Variants in DNAJC14 observed in about 807,000 individuals in gnomAD.
DNAJC14 encodes dnaJ homolog subfamily C member 14.
A neutral mutation model predicts 68.8 loss-of-function variants in DNAJC14; 12 were observed. The ratio of observed to expected loss-of-function variants is 0.17; its 90% CI spans 0.11 to 0.28. DNAJC14 has a LOEUF of 0.28. Ranked by LOEUF, DNAJC14 falls within the 10% of genes least tolerant of loss-of-function variation. DNAJC14 has a pLI of 1.00. For synonymous variants in DNAJC14, 350 were observed against 321.5 expected, an observed-to-expected ratio of 1.09 and a Z score of -0.95; for missense variants, 764 against 875.6, an observed-to-expected ratio of 0.87 and a Z score of 1.61.
In DNAJC14 at chr12:55,827,973, T is replaced by C. The variant is rs1352559533; in HGVS notation, c.686A>G (p.Gln229Arg). Residue 229 changes from glutamine to arginine, a missense_variant, in exon 2 of 7, where the codon CAG (glutamine) becomes CGG (arginine). Around this residue, in one of 4 missense-constraint regions of DNAJC14, gnomAD observed 514 missense variants for 521.7 expected, o/e 0.99. Coordinates refer to ENST00000678005, the MANE Select transcript of DNAJC14 (RefSeq NM_032364.6). The part of the protein sequence containing the change: ...GRHRLGRKRS[Q>R]ADKRKGLGLW... Reference sequence around the variant, plus strand: ...TCCCAGGCCTTTGCGCTTATCTGCCTGACTTCGTTTCCGACCCAGCCGATG... The same window carrying C: ...TCCCAGGCCTTTGCGCTTATCTGCCCGACTTCGTTTCCGACCCAGCCGATG... 2 of 1,612,992 alleles carry C rather than the reference T, an allele frequency of 1.2e-6. No individual in the cohort carries two copies. Among genetic ancestry groups the C allele is most frequent in the Non-Finnish European group, 1.7e-6 (2 of 1,179,580 alleles).
At position 55,827,708 on chromosome 12, in the gene DNAJC14, T is replaced by G; in HGVS notation, c.951A>C (p.Val317=). ...QFLSQGFYCG[V]GLFTRFLKLL... ...GCTTAAGAAAACGAGTAAACAGTCCTACTCCACAGTAAAACCCCTGGCTTA... is the reference window on the plus strand; with the variant it reads ...GCTTAAGAAAACGAGTAAACAGTCCGACTCCACAGTAAAACCCCTGGCTTA... The change falls in exon 2 of 7, where the codon GTA becomes GTC. Residue 317 remains valine (V), a synonymous_variant. Transcript: ENST00000678005. 1.2e-6 allele frequency: 2 copies of G among 1,614,168 alleles called. No individual in the cohort carries two copies. The highest frequency in any genetic ancestry group is 1.7e-6 in the Non-Finnish European group (2 of 1,180,028).
rs780431313 is a variant in DNAJC14, at chr12:55,828,637, C to T, written c.22G>A (p.Glu8Lys). The T allele has an allele frequency of 3.1e-6, 5 of 1,613,234 alleles. No individual in the cohort carries two copies. The highest frequency in any genetic ancestry group is 4.2e-6 in the Non-Finnish European group (5 of 1,179,430). Residue 8 changes from glutamate to lysine, a missense_variant, in exon 2 of 7, where the codon GAA becomes AAA. Transcript: ENST00000678005. ...TGGTGGGCTCCATACAACCCTCTTT[C>T]TCCGGGGTGCTTCTGGGCCATGACC... is the stretch of plus-strand genomic sequence containing the variant. Reference protein sequence around the residue: MAQKHPGERGLYGAHHSG... With the variant: MAQKHPGKRGLYGAHHSG...
In DNAJC14 at chr12:55,823,518, CAGAG is replaced by C. The variant is rs112382855; in HGVS notation, c.1408-14_1408-11del. 23 of 1,611,342 alleles carry C rather than the reference CAGAG, an allele frequency of 1.4e-5. No individual in the cohort carries two copies. The highest frequency in any genetic ancestry group is 7.7e-5 in the South Asian group (7 of 91,010). On this transcript the variant is annotated splice_polypyrimidine_tract_variant and intron_variant, in intron 2 of 6. Coordinates refer to ENST00000678005, the MANE Select transcript of DNAJC14 (RefSeq NM_032364.6). Reference sequence around the variant, plus strand: ...TTTTGTCAGGATGAACCTACCAAGACAGAGAGATTTCATTACAAATCCATTCCAA... The same window carrying C: ...TTTTGTCAGGATGAACCTACCAAGACAGATTTCATTACAAATCCATTCCAA...
intron 4 of DNAJC14, 103 bp downstream of exon 4, chr12:55,822,967 G>A (rs1880708443): frequency 6.5e-7 from 1 of 1,529,894 alleles, no homozygotes; most frequent in Non-Finnish European, 8.7e-7. Context: ...TACTAATTAT[G>A]AGATACAGAT....
chr12:55,822,240 C>A (rs1300103357), intron 6 of DNAJC14, 53 bp from the exon 7 acceptor site: 2 of 1,534,308 alleles, frequency 1.3e-6, no homozygotes, highest in African/African-American at 2.8e-5. Context: ...ATATGGTTAC[C>A]TAAGTTAGAT....
intron 4 of DNAJC14, 124 bp from the exon 5 acceptor site, chr12:55,822,856 T>C: frequency 2.8e-6 from 4 of 1,414,090 alleles, no homozygotes; most frequent in East Asian, 2.3e-5. Flanking sequence ...TAGTATTTCA[T>C]ATCCCTTCAA....
At chr12:55,824,545 A>G (rs188599639) in intron 2 of DNAJC14, among the ~76,000 whole-genome samples, 1 of 152,296 alleles carries the variant, frequency 6.6e-6, no homozygotes, top group East Asian at 1.9e-4. Context: ...AGCTAATTGA[A>G]CAGCCTTTTA....
upstream of DNAJC14, chr12:55,830,265 T>A (rs916907060): frequency 2.0e-5 from 3 of 152,066 alleles, no homozygotes; most frequent in Non-Finnish European, 2.9e-5. Context: ...GGCTCAGAAC[T>A]TTGCCCGTGA....
Position 55,828,117 on chromosome 12 carries a change from C to T in DNAJC14, c.542G>A (p.Ser181Asn), listed in dbSNP as rs1250422332. The part of the protein sequence containing the change: ...YDDEESLKFP[S>N]DFSRVSSGKK... ...TCCGCTGGACACACGTGAAAAATCACTGGGGAACTTGAGAGATTCTTCATC... is the reference window on the plus strand; with the variant it reads ...TCCGCTGGACACACGTGAAAAATCATTGGGGAACTTGAGAGATTCTTCATC... Residue 181 changes from serine to asparagine, a missense_variant, in exon 2 of 7, where the codon AGT (serine) becomes AAT (asparagine). By Grantham distance (46) the Ser-to-Asn change is conservative (BLOSUM62 1). Transcript: ENST00000678005. 6.2e-7 allele frequency: 1 copy of T among 1,602,118 alleles called. No homozygotes were observed. The highest frequency in any genetic ancestry group is 1.1e-5 in the South Asian group (1 of 89,208).
Position 55,828,230 on chromosome 12 carries a change from A to T in DNAJC14, c.429T>A (p.Ser143=). The part of the protein sequence containing the change: ...GTPGIPEGPY[S]EGGNGSSSNF... Reference sequence around the variant, plus strand: ...TGCTAGAAGAACCATTTCCTCCCTCAGAGTAAGGCCCTTCTGGAATTCCAG... The same window carrying T: ...TGCTAGAAGAACCATTTCCTCCCTCTGAGTAAGGCCCTTCTGGAATTCCAG... Residue 143 remains serine (S), a synonymous_variant, in exon 2 of 7, where the codon TCT becomes TCA. Coordinates refer to ENST00000678005, the MANE Select transcript of DNAJC14 (RefSeq NM_032364.6). 1 of 1,607,556 alleles carries T rather than the reference A, an allele frequency of 6.2e-7. No homozygotes were observed. The highest frequency in any genetic ancestry group is 8.5e-7 in the Non-Finnish European group (1 of 1,177,262).
chr12:55,830,548 T>TC (rs1404354200), upstream of DNAJC14: 3 of 152,112 alleles, frequency 2.0e-5, no homozygotes, highest in African/African-American at 7.2e-5. Flanking sequence ...GAGACAATAC[T>TC]CCAATTCTCT....
Position 55,827,601 on chromosome 12 carries a change from C to G in DNAJC14, c.1058G>C (p.Gly353Ala). Residue 353 changes from glycine (G) to alanine (A), a missense_variant, in exon 2 of 7, where the codon GGT becomes GCT. Physicochemically the swap from Gly to Ala is moderately conservative, Grantham distance 60. This residue lies in a region of DNAJC14 where 514 missense variants were observed against 521.7 expected (regional missense o/e 0.99). Coordinates refer to ENST00000678005, the MANE Select transcript of DNAJC14 (RefSeq NM_032364.6). Reference sequence around the variant, plus strand: ...CTTATCCCTCCAGCCTAACCGGTCACCTAGTCCCACCAGAAACCGCCATCC... The same window carrying G: ...CTTATCCCTCCAGCCTAACCGGTCAGCTAGTCCCACCAGAAACCGCCATCC... ...QLGWRFLVGLGDRLGWRDKAT... is the reference protein window; with the variant it reads ...QLGWRFLVGLADRLGWRDKAT... 1 of 1,607,918 alleles carries G rather than the reference C, an allele frequency of 6.2e-7. No individual in the cohort carries two copies. The highest frequency in any genetic ancestry group is 8.5e-7 in the Non-Finnish European group (1 of 1,175,596).
At chr12:55,824,558 C>T (rs566413081) in intron 2 of DNAJC14, among the ~76,000 whole-genome samples, 1 of 152,278 alleles carries the variant, frequency 6.6e-6, no homozygotes, top group South Asian at 2.1e-4. Context: ...GCCTTTTAGT[C>T]ATGTTCACAC....
Position 55,822,870 on chromosome 12 carries a change from T to G in DNAJC14, c.1635-138A>C, listed in dbSNP as rs564639590. 6.5e-6 allele frequency: 9 copies of G among 1,394,024 alleles called. No individual in the cohort carries two copies. The African/African-American group carries it at 1.1e-4, about 18-fold the overall frequency. The allele number at this position is 1,394,024 out of a possible 1,614,324, so 86.4% of individuals were successfully genotyped here. On this transcript the variant is annotated intron_variant, in intron 4 of 6. Coordinates refer to ENST00000678005, the MANE Select transcript of DNAJC14 (RefSeq NM_032364.6). ...TTAGTATTTCATATCCCTTCAACGT[T>G]CTATCCTAAAGCTAATGTTTCTTAG...
At chr12:55,825,423 T>C (rs779031164) in intron 2 of DNAJC14, among the ~76,000 whole-genome samples, 320 of 152,114 alleles carry the variant, frequency 2.1e-3, no homozygotes, top group Non-Finnish European at 2.9e-3. Context: ...GAAATAGCAG[T>C]AACAATCTGT....
intron 4 of DNAJC14, 48 bp from the exon 5 acceptor site, chr12:55,822,780 T>A: frequency 6.2e-7 from 1 of 1,602,752 alleles, no homozygotes; most frequent in Non-Finnish European, 8.5e-7. Flanking sequence ...CAAGCCTACC[T>A]AGGGCACTGC....
At position 55,823,490 on chromosome 12, in the gene DNAJC14, G is replaced by A; in HGVS notation, c.1426C>T (p.His476Tyr). Reference protein sequence around the residue: ...LAVMVHPDKNHHPRAEEAFKV... With the variant: ...LAVMVHPDKNYHPRAEEAFKV... ...AAGGCCTCCTCAGCCCGGGGATGAT[G>A]ATTTTTGTCAGGATGAACCTACCAA... The change falls in exon 3 of 7, where the codon CAT becomes TAT. Residue 476 changes from histidine (H) to tyrosine (Y), a missense_variant. By Grantham distance (83) the His-to-Tyr change is moderately conservative. Coordinates refer to ENST00000678005, the MANE Select transcript of DNAJC14 (RefSeq NM_032364.6). 2 of 1,614,106 alleles carry A rather than the reference G, an allele frequency of 1.2e-6. No homozygotes were observed. The highest frequency in any genetic ancestry group is 3.3e-5 in the Admixed American group (2 of 60,016).
chr12:55,828,980 G>A (rs1387444511), intron 1 of DNAJC14, among the ~76,000 whole-genome samples: 1 of 152,164 alleles, frequency 6.6e-6, no homozygotes, highest in Non-Finnish European at 1.5e-5. Context: ...TACCGTAAAG[G>A]GTGTGGTCGG....
At chr12:55,829,616 G>C, upstream of DNAJC14, 2 of 985,236 alleles carry the variant, frequency 2.0e-6, no homozygotes, top group Non-Finnish European at 2.4e-6. Flanking sequence ...CGCGGCCGCC[G>C]GCGACCTGGG....
Sources: allele counts gnomAD v4.1 joint callset (sites outside exome capture counted in the v4.1 genomes callset), GRCh38; gene constraint gnomAD v4.1.1; regional missense constraint gnomAD v4.1.1; transcripts MANE v1.5; gene names NCBI Gene and HGNC (gene_info 2026-07-23, HGNC 2026-07-21).